The following PIK3C3 variants were observed in gnomAD, a reference collection of about 807,000 sequenced individuals.
PIK3C3 encodes PI3-kinase type 3.
PIK3C3 carries 95 observed loss-of-function variants against 126.1 expected under a neutral mutation model. The observed-to-expected ratio is 0.75, with a 90% CI of 0.64 to 0.89. The LOEUF is 0.89. PIK3C3 is among the 40% of genes least tolerant of loss of function. The pLI is 0.00. For missense variants in PIK3C3, 829 were observed against 1,063.2 expected, an observed-to-expected ratio of 0.78 and a Z score of 3.06; for synonymous variants, 374 against 360.0, an observed-to-expected ratio of 1.04 and a Z score of -0.44.
Position 42,082,224 on chromosome 18 carries a change from T to G in PIK3C3, c.*1087T>G, listed in dbSNP as rs1986275218. Reference sequence around the variant, plus strand: ...TGGTCTTGGAAGAAAAAGAATTGTTTTGGTGCTGAATAAATATTAGAAATC... The same window carrying G: ...TGGTCTTGGAAGAAAAAGAATTGTTGTGGTGCTGAATAAATATTAGAAATC... On this transcript the variant is annotated 3_prime_UTR_variant, in exon 25 of 25. Coordinates refer to ENST00000262039, the MANE Select transcript of PIK3C3 (RefSeq NM_002647.4). The G allele has an allele frequency of 6.6e-6, 1 of 152,194 alleles. No individual in the cohort carries two copies. Among genetic ancestry groups the G allele is most frequent in the African/African-American group, 2.4e-5 (1 of 41,450 alleles). The allele number at this position is 152,194 out of a possible 1,614,324, so 9.4% of individuals were successfully genotyped here.
intron 24 of PIK3C3, among the ~76,000 whole-genome samples, chr18:42,073,934 TAC>T (rs1985877554): frequency 1.3e-5 from 2 of 152,156 alleles, no homozygotes; most frequent in South Asian, 4.1e-4. Flanking sequence ...CTAGGTAAAG[TAC>T]AAGCATTTTC....
intron 5 of PIK3C3, among the ~76,000 whole-genome samples, chr18:41,988,726 G>T (rs1981622215): frequency 6.6e-6 from 1 of 152,054 alleles, no homozygotes; most frequent in Admixed American, 6.6e-5. Context: ...TAAAGGTAGT[G>T]ATGTTTAACA....
chr18:42,049,525 C>A lies in PIK3C3; in HGVS notation c.2189-6C>A. 6.2e-7 allele frequency: 1 copy of A among 1,609,272 alleles called. No homozygotes were observed. Among genetic ancestry groups the A allele is most frequent in the East Asian group, 2.2e-5 (1 of 44,824 alleles). ...TTTCACATATTTTTTTTAACTGTTACTGCAGCTGGATATTGCGTGATCACC... is the reference window on the plus strand; with the variant it reads ...TTTCACATATTTTTTTTAACTGTTAATGCAGCTGGATATTGCGTGATCACC... On this transcript the variant is annotated splice_region_variant and splice_polypyrimidine_tract_variant and intron_variant, in intron 20 of 24. Coordinates refer to ENST00000262039, the MANE Select transcript of PIK3C3 (RefSeq NM_002647.4).
At chr18:42,027,667 T>G in intron 14 of PIK3C3, 119 bp downstream of exon 14, 1 of 406,156 alleles carries the variant, frequency 2.5e-6, no homozygotes, top group East Asian at 4.2e-5. Flanking sequence ...TTATTTTTAT[T>G]TTTTTGAGAT....
At chr18:41,958,774 A>G (rs1383911619) in intron 2 of PIK3C3, among the ~76,000 whole-genome samples, 2 of 152,042 alleles carry the variant, frequency 1.3e-5, no homozygotes, top group African/African-American at 4.8e-5. Context: ...TAAAAAATAT[A>G]TATATATACT....
Position 42,083,361 on chromosome 18 carries a change from CTT to C in PIK3C3, c.*2226_*2227del, listed in dbSNP as rs1986316182. The C allele has an allele frequency of 6.6e-6, 1 of 152,092 alleles. No homozygotes were observed. Among genetic ancestry groups the C allele is most frequent in the East Asian group, 1.9e-4 (1 of 5,180 alleles). The allele number at this position is 152,092 out of a possible 1,614,324, so 9.4% of individuals were successfully genotyped here. On this transcript the variant is annotated 3_prime_UTR_variant, in exon 25 of 25. Coordinates refer to ENST00000262039, the MANE Select transcript of PIK3C3 (RefSeq NM_002647.4). The stretch of plus-strand genomic sequence containing the variant: ...GAAATGTATTTGTGAGGACACATCA[CTT>C]TAATTAAAAAAGTGTGAGTACTATG...
intron 10 of PIK3C3, among the ~76,000 whole-genome samples, chr18:42,010,004 T>G (rs892814909): frequency 6.6e-6 from 1 of 152,124 alleles, no homozygotes; most frequent in African/African-American, 2.4e-5. Flanking sequence ...CCATTGACTC[T>G]TTTTTTCACA....
At chr18:42,008,648 T>G (rs1331698293) in intron 10 of PIK3C3, among the ~76,000 whole-genome samples, 1 of 152,110 alleles carries the variant, frequency 6.6e-6, no homozygotes, top group Non-Finnish European at 1.5e-5. Context: ...TTGGGAAGTA[T>G]TTACAGAATT....
chr18:42,003,221 A>G (rs1982375090), intron 9 of PIK3C3, among the ~76,000 whole-genome samples: 1 of 152,192 alleles, frequency 6.6e-6, no homozygotes, highest in Non-Finnish European at 1.5e-5. Flanking sequence ...TTTGTTGTCC[A>G]AGTAGACATT....
intron 21 of PIK3C3, among the ~76,000 whole-genome samples, chr18:42,055,220 C>T (rs193213430): frequency 2.8e-4 from 42 of 152,130 alleles, no homozygotes; most frequent in Admixed American, 2.1e-3. Flanking sequence ...GAGCTTCGTA[C>T]CTCCCCTCTC....
chr18:41,956,440 A>T (rs906936891), intron 1 of PIK3C3, among the ~76,000 whole-genome samples: 1 of 152,056 alleles, frequency 6.6e-6, no homozygotes, highest in Admixed American at 6.6e-5. Flanking sequence ...ATCAATATTG[A>T]TAAAGGGCTT....
chr18:42,024,980 AT>A (rs939605972), intron 13 of PIK3C3, among the ~76,000 whole-genome samples: 1 of 150,552 alleles, frequency 6.6e-6, no homozygotes, highest in Non-Finnish European at 1.5e-5. Flanking sequence ...ATTTTTTTGT[AT>A]TTTTTTTAGT....
Position 42,084,066 on chromosome 18 carries a change from GTGT to G in PIK3C3, c.*2933_*2935del, listed in dbSNP as rs2144548441. 2 of 152,268 alleles carry G rather than the reference GTGT, an allele frequency of 1.3e-5. No homozygotes were observed. The highest frequency in any genetic ancestry group is 3.9e-4 in the East Asian group (2 of 5,190). The allele number at this position is 152,268 out of a possible 1,614,324, so 9.4% of individuals were successfully genotyped here. A position where few individuals can be genotyped will look rare whatever the true frequency, so the allele number is the denominator to read the frequency against. On this transcript the variant is annotated 3_prime_UTR_variant, in exon 25 of 25. Transcript: ENST00000262039. ...GTCAGTAAACACATTTCTAGGAAAG[GTGT>G]TGTGTCATCATGCCACATATTCATA...
intron 22 of PIK3C3, among the ~76,000 whole-genome samples, chr18:42,059,525 T>C (rs1164298052): frequency 1.3e-5 from 2 of 152,182 alleles, no homozygotes; most frequent in Non-Finnish European, 2.9e-5. Flanking sequence ...GTGCTCTATC[T>C]TATTGAAAGC....
chr18:42,007,715 T>C (rs1982619017), intron 10 of PIK3C3, among the ~76,000 whole-genome samples: 1 of 152,222 alleles, frequency 6.6e-6, no homozygotes, highest in Non-Finnish European at 1.5e-5. Context: ...TTATTGACTT[T>C]TCTTACTCTA....
At chr18:42,042,315 C>T (rs150860190) in intron 19 of PIK3C3, among the ~76,000 whole-genome samples, 1 of 152,184 alleles carries the variant, frequency 6.6e-6, no homozygotes, top group Non-Finnish European at 1.5e-5. Context: ...GTATGAATTT[C>T]TCCAGATTTT....
At chr18:41,973,984 A>G (rs1980792845) in intron 4 of PIK3C3, among the ~76,000 whole-genome samples, 1 of 152,184 alleles carries the variant, frequency 6.6e-6, no homozygotes, top group African/African-American at 2.4e-5. Context: ...CTAAAAAGAT[A>G]TACATAAATC....
At position 42,077,542 on chromosome 18, in the gene PIK3C3, G is replaced by T. The variant is rs1986077223; in HGVS notation, c.2650-3581G>T. Among the ~76,000 whole-genome samples the T allele has an allele frequency of 2.0e-5, 3 of 152,216 alleles. No individual in the cohort carries two copies. In the South Asian group the frequency reaches 6.2e-4, roughly 31 times the overall value. On this transcript the variant is annotated intron_variant, in intron 24 of 24. Coordinates refer to ENST00000262039, the MANE Select transcript of PIK3C3 (RefSeq NM_002647.4). ...CTCAAGAAACCACTTTGCTTATCCAGAAGGAGGAACTCCTCATCTGCTCAA... is the reference window on the plus strand; with the variant it reads ...CTCAAGAAACCACTTTGCTTATCCATAAGGAGGAACTCCTCATCTGCTCAA...
chr18:42,057,158 A>T (rs1212967799), intron 21 of PIK3C3, among the ~76,000 whole-genome samples: 2 of 150,374 alleles, frequency 1.3e-5, no homozygotes, highest in African/African-American at 2.4e-5. Flanking sequence ...AAACAGATTT[A>T]TAAATCAATG....
Sources: gnomAD v4.1 joint callset for allele counts (sites outside exome capture counted in the v4.1 genomes callset) on GRCh38, gnomAD v4.1.1 for gene constraint, MANE v1.5 for transcripts, NCBI Gene and HGNC (gene_info 2026-07-23, HGNC 2026-07-21) for gene names.